RBMS3: variants seen among roughly 807,000 people sequenced by gnomAD.
RBMS3 encodes RNA binding motif single stranded interacting protein 3.
In RBMS3, 27 loss-of-function variants were observed where a neutral mutation model predicts 66.8. The observed-to-expected ratio is 0.40, with a 90% CI of 0.30 to 0.56. The LOEUF (loss-of-function observed/expected upper bound fraction) is 0.56. RBMS3 is among the 20% of genes least tolerant of loss of function. The pLI, the probability that RBMS3 is intolerant of heterozygous loss-of-function variation, is 0.40. For missense variants in RBMS3, 513 were observed against 549.5 expected, an observed-to-expected ratio of 0.93 and a Z score of 0.66; for synonymous variants, 188 against 183.0, an observed-to-expected ratio of 1.03 and a Z score of -0.22.
At chr3:29,969,515 C>G (rs71321115) in intron 12 of RBMS3, among the ~76,000 whole-genome samples, 3,924 of 152,296 alleles carry the variant, frequency 0.026, 124 homozygotes, top group East Asian at 0.16. Flanking sequence ...TCTATGTCCT[C>G]TCTATCATGG....
At chr3:29,431,510 C>G (rs2041198667) in intron 1 of RBMS3, among the ~76,000 whole-genome samples, 1 of 151,822 alleles carries the variant, frequency 6.6e-6, no homozygotes, top group Non-Finnish European at 1.5e-5. Flanking sequence ...CCAGGATGGT[C>G]TTGATCTCCC....
At chr3:29,909,775 G>T (rs566449165) in intron 10 of RBMS3, among the ~76,000 whole-genome samples, 1 of 152,142 alleles carries the variant, frequency 6.6e-6, no homozygotes, top group African/African-American at 2.4e-5. Flanking sequence ...GTGGGAGTAT[G>T]CGGGGCATGT....
chr3:29,923,754 GT>G lies in RBMS3; in HGVS notation c.940-12323del, dbSNP rs531179724. On this transcript the variant is annotated intron_variant, in intron 10 of 14. Transcript: ENST00000383767. ...TTCTTTAATATATTTGCATCCCCAT[GT>G]TTTTTTTTATAGAAGTTTTGTAAGG... Among the ~76,000 whole-genome samples, 362 of 150,932 alleles carry G rather than the reference GT, an allele frequency of 2.4e-3. 1 individual carries two copies. Among genetic ancestry groups the G allele is most frequent in the African/African-American group, 7.6e-3 (312 of 41,106 alleles).
At chr3:29,751,697 T>C (rs2055190135) in intron 5 of RBMS3, among the ~76,000 whole-genome samples, 2 of 152,220 alleles carry the variant, frequency 1.3e-5, no homozygotes, top group African/African-American at 4.8e-5. Flanking sequence ...ACTCAAATCA[T>C]GTGAACTAAA....
intron 7 of RBMS3, among the ~76,000 whole-genome samples, chr3:29,873,868 T>A (rs2059548350): frequency 6.6e-6 from 1 of 152,238 alleles, no homozygotes; most frequent in South Asian, 2.1e-4. Context: ...TCTTTAGTTC[T>A]GTTTATGTGA....
rs551536204 is a variant in RBMS3, at chr3:29,839,023, G to T, written c.638-29835G>T. On this transcript the variant is annotated intron_variant, in intron 6 of 14. Transcript: ENST00000383767. Reference sequence around the variant, plus strand: ...TTTTGTGAATCCTCCTCATTACGGGGTAAGTTCTTACTAAAGTGAATAATT... The same window carrying T: ...TTTTGTGAATCCTCCTCATTACGGGTTAAGTTCTTACTAAAGTGAATAATT... Among the ~76,000 whole-genome samples the T allele has an allele frequency of 3.3e-5, 5 of 152,234 alleles. No individual in the cohort carries two copies. In the South Asian group the frequency reaches 1.0e-3, roughly 32 times the overall value.
At chr3:29,520,007 T>C (rs2044791981) in intron 3 of RBMS3, among the ~76,000 whole-genome samples, 1 of 152,210 alleles carries the variant, frequency 6.6e-6, no homozygotes, top group Admixed American at 6.5e-5. Flanking sequence ...ATGTGTCACA[T>C]GCAGGTATTA....
At chr3:29,599,681 T>G (rs1298672143) in intron 4 of RBMS3, among the ~76,000 whole-genome samples, 5 of 152,104 alleles carry the variant, frequency 3.3e-5, no homozygotes, top group Non-Finnish European at 7.4e-5. Context: ...CAAACATTCA[T>G]GTAGCAGGGA....
chr3:29,443,520 TC>T (rs1421033459), intron 2 of RBMS3, among the ~76,000 whole-genome samples: 5 of 152,206 alleles, frequency 3.3e-5, no homozygotes, highest in Admixed American at 6.5e-5. Flanking sequence ...ATGTGAGACT[TC>T]ATTTGCAGGA....
Position 29,542,255 on chromosome 3 carries a change from A to G in RBMS3, c.308-44859A>G, listed in dbSNP as rs190009320. Among the ~76,000 whole-genome samples, 249 of 152,306 alleles carry G rather than the reference A, an allele frequency of 1.6e-3. 1 individual carries two copies. The highest frequency in any genetic ancestry group is 5.4e-3 in the African/African-American group (226 of 41,558). ...CCCCCTTTTTGCTTAAAATAAATGT[A>G]GAAAGTGATGTCTTTTCATTTTTAA... is the stretch of plus-strand genomic sequence containing the variant. On this transcript the variant is annotated intron_variant, in intron 3 of 14. Transcript: ENST00000383767.
chr3:29,359,681 T>G (rs2037445578), intron 1 of RBMS3, among the ~76,000 whole-genome samples: 2 of 152,248 alleles, frequency 1.3e-5, no homozygotes, highest in Admixed American at 6.5e-5. Context: ...GGTCCTGGAC[T>G]TTTTTTGCTT....
At chr3:29,747,888 G>A (rs1369115954) in intron 5 of RBMS3, among the ~76,000 whole-genome samples, 1 of 152,174 alleles carries the variant, frequency 6.6e-6, no homozygotes, top group Non-Finnish European at 1.5e-5. Flanking sequence ...CAGCCTTCAG[G>A]CTGTTTTAGG....
chr3:29,596,072 C>T (rs933137484), intron 4 of RBMS3, among the ~76,000 whole-genome samples: 1 of 152,152 alleles, frequency 6.6e-6, no homozygotes, highest in Non-Finnish European at 1.5e-5. Context: ...GAGTGTTACA[C>T]CACTATCTTT....
chr3:29,733,434 A>G (rs963499548), intron 4 of RBMS3, among the ~76,000 whole-genome samples: 2 of 151,506 alleles, frequency 1.3e-5, no homozygotes, highest in Admixed American at 6.6e-5. Flanking sequence ...TTTTCTGAGG[A>G]CCCTCATACT....
intron 11 of RBMS3, among the ~76,000 whole-genome samples, chr3:29,938,069 T>C (rs1311175424): frequency 6.6e-6 from 1 of 151,918 alleles, no homozygotes; most frequent in Non-Finnish European, 1.5e-5. Context: ...CCAACTGACT[T>C]GCTAAAATTT....
At position 29,405,521 on chromosome 3, in the gene RBMS3, T is replaced by A. The variant is rs543908114; in HGVS notation, c.76-29222T>A. 2.6e-5 allele frequency among the ~76,000 whole-genome samples: 4 copies of A among 152,288 alleles called. No individual in the cohort carries two copies. In the South Asian group the frequency reaches 8.3e-4, roughly 32 times the overall value. On this transcript the variant is annotated intron_variant, in intron 1 of 14. Coordinates refer to ENST00000383767, the MANE Select transcript of RBMS3 (RefSeq NM_001003793.3). ...TTATTTTCATAGTGGATATCCTTGA[T>A]TGTTGGCATACTGTAATGCCATTTG...
chr3:29,869,443 G>A (rs2059436993), intron 7 of RBMS3, among the ~76,000 whole-genome samples: 1 of 151,890 alleles, frequency 6.6e-6, no homozygotes, highest in African/African-American at 2.4e-5. Flanking sequence ...GTTCATAAAT[G>A]TTTTGATATC....
intron 4 of RBMS3, among the ~76,000 whole-genome samples, chr3:29,708,838 CTTG>C (rs1386226962): frequency 2.0e-5 from 3 of 152,316 alleles, no homozygotes; most frequent in African/African-American, 7.2e-5. Context: ...CAGTGAAGAA[CTTG>C]TTGTCTCAGC....
At chr3:29,922,479 G>C (rs2060813735) in intron 10 of RBMS3, among the ~76,000 whole-genome samples, 1 of 131,794 alleles carries the variant, frequency 7.6e-6, no homozygotes, top group Non-Finnish European at 1.6e-5. Flanking sequence ...GGGCGACAGA[G>C]CGAGACTCCG....
Sources: gnomAD v4.1 joint callset for allele counts (sites outside exome capture counted in the v4.1 genomes callset) on GRCh38, gnomAD v4.1.1 for gene constraint, MANE v1.5 for transcripts, NCBI Gene and HGNC (gene_info 2026-07-23, HGNC 2026-07-21) for gene names.